The following SAMMSON variants were observed in gnomAD, a reference collection of about 807,000 sequenced individuals.
SAMMSON encodes the protein survival associated mitochondrial melanoma specific oncogenic non-coding RNA.
At chr3:70,078,047 A>G (rs978992309) in intron 4 of SAMMSON, among the ~76,000 whole-genome samples, 1 of 152,182 alleles carries the variant, frequency 6.6e-6, no homozygotes, top group Admixed American at 6.5e-5. Context: ...TTAGCCCTCA[A>G]TGGTAAACTT....
At chr3:70,173,072 A>G (rs999484032) in intron 4 of SAMMSON, 1 of 151,910 alleles carries the variant, frequency 6.6e-6, no homozygotes, top group Non-Finnish European at 1.5e-5. Flanking sequence ...TTGGGAGGAC[A>G]TGTAAATTAT....
intron 3 of SAMMSON, among the ~76,000 whole-genome samples, chr3:70,037,977 G>C (rs75442977): frequency 0.013 from 1,942 of 152,246 alleles, 23 homozygotes; most frequent in Middle Eastern, 0.037. Flanking sequence ...TATTACACTT[G>C]AGAAAAACAA....
At chr3:70,238,644 C>T (rs750485401) in intron 4 of SAMMSON, among the ~76,000 whole-genome samples, 1 of 151,882 alleles carries the variant, frequency 6.6e-6, no homozygotes, top group Non-Finnish European at 1.5e-5. Flanking sequence ...TGAGAATAAA[C>T]CCCCAAAAGG....
intron 6 of SAMMSON, among the ~76,000 whole-genome samples, chr3:70,290,500 T>C (rs1021518670): frequency 2.6e-5 from 4 of 152,212 alleles, no homozygotes; most frequent in East Asian, 1.9e-4. Context: ...GCAGAGGTTA[T>C]GGCTGTCTTT....
intron 3 of SAMMSON, among the ~76,000 whole-genome samples, chr3:70,034,160 C>T (rs899915255): frequency 6.6e-6 from 1 of 152,070 alleles, no homozygotes; most frequent in African/African-American, 2.4e-5. Flanking sequence ...GCTGGGCCGT[C>T]TGTTTGAGCA....
At chr3:70,021,988 G>A (rs1421742631) in intron 3 of SAMMSON, among the ~76,000 whole-genome samples, 1 of 152,114 alleles carries the variant, frequency 6.6e-6, no homozygotes, top group East Asian at 1.9e-4. Flanking sequence ...GTCTAAACCT[G>A]TTTAGGCACC....
At chr3:70,351,869 C>G (rs1224571496) in intron 7 of SAMMSON, among the ~76,000 whole-genome samples, 1 of 152,062 alleles carries the variant, frequency 6.6e-6, no homozygotes, top group Non-Finnish European at 1.5e-5. Flanking sequence ...CTTGGGGACT[C>G]TAGACCTCCT....
chr3:70,086,828 G>T (rs1230913217), intron 4 of SAMMSON, among the ~76,000 whole-genome samples: 1 of 152,136 alleles, frequency 6.6e-6, no homozygotes, highest in African/African-American at 2.4e-5. Flanking sequence ...TTGCAATGTA[G>T]TGTCCTCAGT....
At chr3:70,018,450 G>A (rs549673103) in intron 3 of SAMMSON, among the ~76,000 whole-genome samples, 9 of 151,960 alleles carry the variant, frequency 5.9e-5, no homozygotes, top group South Asian at 2.1e-4. Context: ...TTTTTATTGC[G>A]TCTATTTGAT....
chr3:70,090,434 T>C (rs931806705), intron 4 of SAMMSON, among the ~76,000 whole-genome samples: 4 of 152,158 alleles, frequency 2.6e-5, no homozygotes, highest in African/African-American at 7.2e-5. Flanking sequence ...ATAAAATCGA[T>C]ATTCTGGTTG....
Position 70,274,096 on chromosome 3 carries a change from C to CGT in SAMMSON, n.675-17082_675-17081insTG, listed in dbSNP as rs1559551134. Among the ~76,000 whole-genome samples the CGT allele has an allele frequency of 1.9e-4, 29 of 149,284 alleles. No individual in the cohort carries two copies. In the East Asian group the frequency reaches 3.2e-3, roughly 16 times the overall value. On this transcript the variant is annotated intron_variant and non_coding_transcript_variant, in intron 6 of 9. Coordinates refer to ENST00000642114, the Ensembl canonical transcript of SAMMSON. ...GTGTGTGTGTGTGTGTGTGTGCGCG[C>CGT]GCGCATGTGTGTGTGTGAGACTGGG...
At chr3:70,334,949 A>G (rs1283357400) in intron 7 of SAMMSON, among the ~76,000 whole-genome samples, 2 of 151,708 alleles carry the variant, frequency 1.3e-5, no homozygotes, top group African/African-American at 2.4e-5. Context: ...TTATTTCTGG[A>G]TACCTGAATT....
chr3:70,078,116 G>T (rs913474659), intron 4 of SAMMSON, among the ~76,000 whole-genome samples: 1 of 152,146 alleles, frequency 6.6e-6, no homozygotes, highest in Admixed American at 6.6e-5. Flanking sequence ...GAAGATGGGG[G>T]TGGGGAGGAG....
At position 70,149,292 on chromosome 3, in the gene SAMMSON, G is replaced by C. The variant is rs75034132; in HGVS notation, n.507+77727G>C. ...TCCTTAAGCTTCTCTGGTCTGTTAG[G>C]GGACAAAGCAGAGCTAGTAACCCTG... On this transcript the variant is annotated intron_variant and non_coding_transcript_variant, in intron 4 of 9. Transcript: ENST00000642114. Among the ~76,000 whole-genome samples the C allele has an allele frequency of 1.3e-3, 203 of 152,108 alleles. 3 individuals are homozygous for C. The East Asian group carries it at 0.033, about 25-fold the overall frequency.
chr3:70,409,649 G>T (rs1447528542), intron 2 of SAMMSON, among the ~76,000 whole-genome samples: 1 of 152,056 alleles, frequency 6.6e-6, no homozygotes, highest in African/African-American at 2.4e-5. Context: ...CGTCATCAAG[G>T]CTCTTTGGAA....
At chr3:70,042,519 A>G in intron 3 of SAMMSON, among the ~76,000 whole-genome samples, 1 of 152,014 alleles carries the variant, frequency 6.6e-6, no homozygotes, top group East Asian at 1.9e-4. Context: ...CTGATGTGAG[A>G]ATACTATATG....
intron 3 of SAMMSON, among the ~76,000 whole-genome samples, chr3:70,029,703 C>T (rs1443433467): frequency 6.9e-6 from 1 of 144,500 alleles, no homozygotes; most frequent in South Asian, 2.2e-4. Flanking sequence ...TGCAGTGAGC[C>T]GAGATCACAC....
intron 4 of SAMMSON, among the ~76,000 whole-genome samples, chr3:70,157,913 C>T (rs1353378777): frequency 6.6e-6 from 1 of 152,076 alleles, no homozygotes; most frequent in East Asian, 1.9e-4. Context: ...TCAGATCTGT[C>T]TGACTCCAGA....
chr3:70,293,807 C>A (rs1440963457), intron 7 of SAMMSON, among the ~76,000 whole-genome samples: 1 of 151,790 alleles, frequency 6.6e-6, no homozygotes, highest in African/African-American at 2.4e-5. Flanking sequence ...AGAAAAAAGA[C>A]CTTAGGAACC....
Sources: gnomAD v4.1 joint callset for allele counts (sites outside exome capture counted in the v4.1 genomes callset) on GRCh38, gnomAD v4.1.1 for gene constraint, MANE v1.5 for transcripts, NCBI Gene and HGNC (gene_info 2026-07-23, HGNC 2026-07-21) for gene names.